Variants in LACTB2 observed in about 807,000 individuals in gnomAD.
The protein encoded by LACTB2 is endoribonuclease LACTB2.
LACTB2 carries 32 observed loss-of-function variants against 34.8 expected under a neutral mutation model. The observed-to-expected ratio is 0.92, with a 90% CI of 0.69 to 1.24. The LOEUF (loss-of-function observed/expected upper bound fraction) is 1.24. Among genes scored for constraint, LACTB2 ranks in the 50% most tolerant of loss-of-function variants. The pLI, the probability that LACTB2 is intolerant of heterozygous loss-of-function variation, is 0.00. For synonymous variants in LACTB2, 120 were observed against 117.5 expected (o/e 1.02, Z -0.14); for missense variants, 320 against 345.0 (o/e 0.93, Z 0.57).
intron 1 of LACTB2, among the ~76,000 whole-genome samples, chr8:70,666,169 C>G (rs1458877415): frequency 1.3e-5 from 2 of 152,184 alleles, no homozygotes; most frequent in Non-Finnish European, 1.5e-5. Flanking sequence ...GTGTACAAGG[C>G]TCTGTGCTAG....
intron 3 of LACTB2, among the ~76,000 whole-genome samples, chr8:70,650,018 T>C (rs2132073755): frequency 6.6e-6 from 1 of 152,354 alleles, no homozygotes; most frequent in East Asian, 1.9e-4. Context: ...GGGCTTACCC[T>C]GTCACCTAGT....
intron 6 of LACTB2, 86 bp from the exon 7 acceptor site, chr8:70,637,989 C>T (rs760344221): frequency 1.6e-5 from 11 of 702,464 alleles, no homozygotes; most frequent in Non-Finnish European, 2.5e-5. Flanking sequence ...CTAGAAAAAG[C>T]ATTCATTCTT....
intron 1 of LACTB2, among the ~76,000 whole-genome samples, chr8:70,665,541 G>A (rs1484431811): frequency 6.6e-6 from 1 of 152,228 alleles, no homozygotes. Context: ...GAAAGCAGAA[G>A]TGATAAACAT....
chr8:70,665,244 G>C (rs536558675), intron 1 of LACTB2, among the ~76,000 whole-genome samples: 2 of 152,276 alleles, frequency 1.3e-5, no homozygotes, highest in East Asian at 3.9e-4. Context: ...TGCTAATGAA[G>C]GGCTCAAGGG....
intron 2 of LACTB2, chr8:70,660,621 T>G (rs939227671): frequency 6.6e-6 from 3 of 456,262 alleles, no homozygotes; most frequent in African/African-American, 6.0e-5. Context: ...TTCCACCATC[T>G]TTGCTCCTGC....
rs1241107894 is a variant in LACTB2, at chr8:70,657,865, T to A, written c.304A>T (p.Lys102Ter). ...CTCTGAGGATTCCGTGGGAGTTTTT[T>A]AATGCAATAGGTAGTGTCTAGTCAT... Reference protein sequence around the residue: ...SINNDTTYCIKKLPRNPQREE... With the variant: ...SINNDTTYCI The change falls in exon 3 of 7, where the codon AAA becomes TAA. Residue 102 changes from lysine (K) to a stop codon, truncating the protein, a stop_gained. Transcript: ENST00000276590. LOFTEE classifies it high-confidence loss of function. 6.3e-7 allele frequency: 1 copy of A among 1,598,148 alleles called. No homozygotes were observed. The highest frequency in any genetic ancestry group is 1.7e-5 in the Admixed American group (1 of 59,906).
intron 3 of LACTB2, 21 bp downstream of exon 3, chr8:70,657,735 G>A: frequency 6.3e-7 from 1 of 1,599,450 alleles, no homozygotes; most frequent in South Asian, 1.1e-5. Flanking sequence ...CACCTTCCCT[G>A]GCTAAGGGAC....
In LACTB2 at chr8:70,669,006, C is replaced by G; in HGVS notation, c.115G>C (p.Gly39Arg). 12 of 1,589,280 alleles carry G rather than the reference C, an allele frequency of 7.6e-6. No individual in the cohort carries two copies. The highest frequency in any genetic ancestry group is 1.0e-5 in the Non-Finnish European group (12 of 1,168,340). The change falls in exon 1 of 7, where the codon GGC becomes CGC. Residue 39 changes from glycine to arginine, a missense_variant. Transcript: ENST00000276590. ...TTGGAGAGGGACGTTTACCTGGGGC[C>G]GGTCCCCACTAGGTAGGTGTTGGTG... ...QGTNTYLVGT[G>R]PRRILIDTGE...
chr8:70,668,748 G>GTT (rs990900411), intron 1 of LACTB2, among the ~76,000 whole-genome samples: 1,517 of 103,546 alleles, frequency 0.015, 58 homozygotes, highest in African/African-American at 0.018. Flanking sequence ...CAAAACAGAA[G>GTT]TTTTTTTTTT....
chr8:70,669,176 A>T lies in LACTB2; in HGVS notation c.-56T>A. The T allele has an allele frequency of 1.3e-6, 2 of 1,593,298 alleles. No individual in the cohort carries two copies. The highest frequency in any genetic ancestry group is 1.7e-6 in the Non-Finnish European group (2 of 1,169,520). ...CTATCTGGATACTCCAGCGCGGAAG[A>T]AGCCAACAGGCCGGGGATAGCGAGT... is the stretch of plus-strand genomic sequence containing the variant. On this transcript the variant is annotated 5_prime_UTR_variant, in exon 1 of 7. Transcript: ENST00000276590.
chr8:70,652,179 G>A (rs928827951), intron 3 of LACTB2, among the ~76,000 whole-genome samples: 24 of 152,036 alleles, frequency 1.6e-4, no homozygotes, highest in Non-Finnish European at 5.9e-5. Context: ...ACTGGCCAAT[G>A]AATACATGAG....
chr8:70,651,570 T>A (rs753263447), intron 3 of LACTB2, among the ~76,000 whole-genome samples: 1 of 152,078 alleles, frequency 6.6e-6, no homozygotes, highest in Non-Finnish European at 1.5e-5. Flanking sequence ...CCACTCTTCA[T>A]CTGAAAACTG....
intron 3 of LACTB2, chr8:70,652,027 T>C (rs1429939189): frequency 1.3e-5 from 2 of 152,242 alleles, no homozygotes; most frequent in East Asian, 3.8e-4. Flanking sequence ...CTTAGCTTGC[T>C]AGTTTACATC....
At chr8:70,650,332 G>C (rs534277336) in intron 3 of LACTB2, among the ~76,000 whole-genome samples, 1 of 152,296 alleles carries the variant, frequency 6.6e-6, no homozygotes, top group South Asian at 2.1e-4. Flanking sequence ...TGAAGCTCTA[G>C]TAAAAAGATG....
At chr8:70,639,918 C>T (rs1031930772) in intron 5 of LACTB2, among the ~76,000 whole-genome samples, 26 of 152,114 alleles carry the variant, frequency 1.7e-4, no homozygotes, top group East Asian at 5.8e-4. Context: ...GCCAAGATGG[C>T]GCCACTGCAC....
chr8:70,668,934 A>G (rs1476814802), intron 1 of LACTB2, 65 bp downstream of exon 1: 4 of 1,544,024 alleles, frequency 2.6e-6, no homozygotes, highest in African/African-American at 1.4e-5. Context: ...CGCAGCCGCG[A>G]TCAGTCAAAG....
intron 2 of LACTB2, chr8:70,661,523 A>C (rs1818480840): frequency 2.2e-6 from 1 of 459,090 alleles, no homozygotes; most frequent in African/African-American, 2.0e-5. Context: ...CACTAAAGTA[A>C]AATTGAGGAT....
chr8:70,663,651 G>T (rs1259761059), intron 1 of LACTB2, among the ~76,000 whole-genome samples: 1 of 152,076 alleles, frequency 6.6e-6, no homozygotes, highest in African/African-American at 2.4e-5. Context: ...AACAGTTGGC[G>T]ACTCTGAGGT....
At chr8:70,657,619 C>T (rs532379257) in intron 3 of LACTB2, 137 bp downstream of exon 3, 5 of 723,798 alleles carry the variant, frequency 6.9e-6, no homozygotes, top group Middle Eastern at 5.4e-4. Flanking sequence ...TTTGGTATTG[C>T]CCAGGCTGGT....
Sources: gnomAD v4.1 joint callset for allele counts (sites outside exome capture counted in the v4.1 genomes callset) on GRCh38, gnomAD v4.1.1 for gene constraint, MANE v1.5 for transcripts, NCBI Gene and HGNC (gene_info 2026-07-23, HGNC 2026-07-21) for gene names.